The following ADCY2 variants were observed in gnomAD, a reference collection of about 807,000 sequenced individuals.
The protein encoded by ADCY2 is adenylate cyclase type 2.
Under a neutral mutation model 125.2 loss-of-function variants are expected in ADCY2, and 31 were observed. The ratio of observed to expected loss-of-function variants is 0.25; its 90% CI spans 0.19 to 0.33. The LOEUF is 0.33. Among genes scored for constraint, ADCY2 ranks in the 10% least tolerant of loss-of-function variants. The pLI is 1.00. For missense variants in ADCY2, 904 were observed against 1,418.2 expected, an observed-to-expected ratio of 0.64 and a Z score of 5.82; for synonymous variants, 512 against 548.4, an observed-to-expected ratio of 0.93 and a Z score of 0.93.
chr5:7,791,962 A>G (rs1377048383), intron 20 of ADCY2, among the ~76,000 whole-genome samples: 2 of 152,052 alleles, frequency 1.3e-5, no homozygotes, highest in Non-Finnish European at 2.9e-5. Flanking sequence ...GGAGAGAGGA[A>G]CGGGGAGAGA....
chr5:7,588,278 A>AT (rs1736698601), intron 3 of ADCY2, among the ~76,000 whole-genome samples: 1 of 152,206 alleles, frequency 6.6e-6, no homozygotes, highest in African/African-American at 2.4e-5. Context: ...CCTGAAACAC[A>AT]TAAAAAAATC....
chr5:7,624,422 T>G (rs1255808684), intron 3 of ADCY2, among the ~76,000 whole-genome samples: 1 of 152,214 alleles, frequency 6.6e-6, no homozygotes, highest in African/African-American at 2.4e-5. Context: ...AATCAAGGTC[T>G]TTCCCAGCAC....
chr5:7,432,640 G>A (rs556154488), intron 2 of ADCY2, among the ~76,000 whole-genome samples: 6 of 152,322 alleles, frequency 3.9e-5, no homozygotes, highest in African/African-American at 1.4e-4. Context: ...GCCCATGAAG[G>A]GGTGAGGGAA....
intron 1 of ADCY2, among the ~76,000 whole-genome samples, chr5:7,403,185 AAG>A (rs1481292187): frequency 2.6e-5 from 4 of 152,160 alleles, no homozygotes; most frequent in Admixed American, 2.0e-4. Context: ...TAGAGAAAAA[AAG>A]AGCAAATAAT....
At chr5:7,574,642 G>C (rs1736185896) in intron 3 of ADCY2, among the ~76,000 whole-genome samples, 1 of 152,140 alleles carries the variant, frequency 6.6e-6, no homozygotes, top group South Asian at 2.1e-4. Flanking sequence ...AAGTTGATGA[G>C]ACCCATACAA....
At chr5:7,619,272 T>A (rs1283539311) in intron 3 of ADCY2, among the ~76,000 whole-genome samples, 1 of 152,172 alleles carries the variant, frequency 6.6e-6, no homozygotes, top group Non-Finnish European at 1.5e-5. Flanking sequence ...CTCACAAACA[T>A]GCTTTGTAGT....
rs769390781 is a variant in ADCY2 at position 7,422,887 on chromosome 5, C to T, written c.408+8117C>T. Reference sequence around the variant, plus strand: ...CTGGTGCAGAATCCTTTTGCTTTTCCTCTAGTGCAGTCACTTGGAATGCGA... The same window carrying T: ...CTGGTGCAGAATCCTTTTGCTTTTCTTCTAGTGCAGTCACTTGGAATGCGA... On this transcript the variant is annotated intron_variant, in intron 2 of 24. Coordinates refer to ENST00000338316, the MANE Select transcript of ADCY2 (RefSeq NM_020546.3). Among the ~76,000 whole-genome samples, 15 of 152,126 alleles carry T rather than the reference C, an allele frequency of 9.9e-5. 1 individual carries two copies. The highest frequency in any genetic ancestry group is 2.1e-4 in the Non-Finnish European group (14 of 68,022).
intron 2 of ADCY2, among the ~76,000 whole-genome samples, chr5:7,493,401 G>GGA (rs968408133): frequency 6.8e-6 from 1 of 147,438 alleles, no homozygotes; most frequent in Non-Finnish European, 1.5e-5. Flanking sequence ...GGGGAGTGAA[G>GGA]GAGAGAGGAG....
At chr5:7,796,935 C>T (rs1744439299) in intron 20 of ADCY2, 1 of 152,234 alleles carries the variant, frequency 6.6e-6, no homozygotes, top group African/African-American at 2.4e-5. Flanking sequence ...GTGAGCCAGA[C>T]ATCCTCATTC....
intron 3 of ADCY2, among the ~76,000 whole-genome samples, chr5:7,617,465 TTTA>T (rs920823384): frequency 6.6e-6 from 1 of 152,272 alleles, no homozygotes; most frequent in South Asian, 2.1e-4. Context: ...TCTGTGGTAT[TTTA>T]TTATTATTAG....
intron 8 of ADCY2, among the ~76,000 whole-genome samples, 182 bp downstream of exon 8, chr5:7,707,084 G>A (rs531238561): frequency 6.6e-5 from 10 of 152,284 alleles, no homozygotes; most frequent in South Asian, 4.1e-4. Context: ...AAGTCCCTGC[G>A]TCACGACCCC....
Position 7,802,474 on chromosome 5 carries a change from C to A in ADCY2, c.2775+110C>A. 7.8e-7 allele frequency: 1 copy of A among 1,285,954 alleles called. No homozygotes were observed. The highest frequency in any genetic ancestry group is 1.1e-6 in the Non-Finnish European group (1 of 946,862). 79.7% of individuals were successfully genotyped at this position (1,285,954 alleles called of 1,614,324 possible). A position where few individuals can be genotyped will look rare whatever the true frequency, so the allele number is the denominator to read the frequency against. ...TATCCCAAAAAAACTTGTCCTTTGGCATAATTTCTGGCAGATGGCATTAAA... is the reference window on the plus strand; with the variant it reads ...TATCCCAAAAAAACTTGTCCTTTGGAATAATTTCTGGCAGATGGCATTAAA... On this transcript the variant is annotated intron_variant, in intron 21 of 24. Transcript: ENST00000338316. This position sits in a 1 kb window ranked among gnomAD's most constrained non-coding sequence, Gnocchi z 4.6.
At chr5:7,788,708 G>A (rs1744159024) in intron 19 of ADCY2, among the ~76,000 whole-genome samples, 1 of 152,100 alleles carries the variant, frequency 6.6e-6, no homozygotes, top group South Asian at 2.1e-4. Context: ...GTGCATGTGT[G>A]TGTGTTTTGT....
Position 7,727,170 on chromosome 5 carries a change from G to A in ADCY2, c.1780G>A (p.Ala594Thr), listed in dbSNP as rs1741959002. The change falls in exon 14 of 25, where the codon GCC (alanine) becomes ACC (threonine). Residue 594 changes from alanine to threonine, a missense_variant. Ala to Thr is a moderately conservative substitution (Grantham distance 58, BLOSUM62 0). Coordinates refer to ENST00000338316, the MANE Select transcript of ADCY2 (RefSeq NM_020546.3). ...GTTCCTTTCTCCCCCTCAGTACCGG[G>A]CCACGGCACTGCCAGCGTTCAAGTA... ...YNKVLEKEYR[A>T]TALPAFKYYV... 1.2e-6 allele frequency: 2 copies of A among 1,613,726 alleles called. No individual in the cohort carries two copies. The highest frequency in any genetic ancestry group is 1.7e-5 in the Admixed American group (1 of 59,978).
intron 14 of ADCY2, among the ~76,000 whole-genome samples, chr5:7,728,945 T>G (rs1742014934): frequency 6.6e-6 from 1 of 152,180 alleles, no homozygotes; most frequent in African/African-American, 2.4e-5. Context: ...CCTCGTCATG[T>G]CTTTGCTGGC....
At chr5:7,530,591 GCCCCAGTA>G (rs1474846251) in intron 3 of ADCY2, among the ~76,000 whole-genome samples, 1 of 139,220 alleles carries the variant, frequency 7.2e-6, no homozygotes, top group Non-Finnish European at 1.6e-5. Flanking sequence ...AAGTCTCCCA[GCCCCAGTA>G]CCTCATCCAG....
At chr5:7,462,800 G>T (rs972167072) in intron 2 of ADCY2, among the ~76,000 whole-genome samples, 1 of 152,246 alleles carries the variant, frequency 6.6e-6, no homozygotes, top group Non-Finnish European at 1.5e-5. Context: ...CACGTGTGTG[G>T]GTTGGATTAG....
At chr5:7,569,289 G>T (rs1362819056) in intron 3 of ADCY2, among the ~76,000 whole-genome samples, 2 of 152,152 alleles carry the variant, frequency 1.3e-5, no homozygotes, top group African/African-American at 4.8e-5. Context: ...AAGAATGCAG[G>T]TGTGTTCAGG....
rs1579454042 is a variant in ADCY2, at chr5:7,802,466, T to G, written c.2775+102T>G. The G allele has an allele frequency of 3.7e-6, 5 of 1,347,144 alleles. No homozygotes were observed. In the East Asian group the frequency reaches 1.2e-4, roughly 32 times the overall value. 83.4% of individuals were successfully genotyped at this position (1,347,144 alleles called of 1,614,324 possible). ...TAGTGGCCTATCCCAAAAAAACTTGTCCTTTGGCATAATTTCTGGCAGATG... is the reference window on the plus strand; with the variant it reads ...TAGTGGCCTATCCCAAAAAAACTTGGCCTTTGGCATAATTTCTGGCAGATG... On this transcript the variant is annotated intron_variant, in intron 21 of 24. Transcript: ENST00000338316. This position sits in a 1 kb window ranked among gnomAD's most constrained non-coding sequence, Gnocchi z 4.6.
Sources: gnomAD v4.1 joint callset for allele counts (sites outside exome capture counted in the v4.1 genomes callset) on GRCh38, gnomAD v4.1.1 for gene constraint, Gnocchi (gnomAD v3.1) non-coding constraint, MANE v1.5 for transcripts, NCBI Gene and HGNC (gene_info 2026-07-23, HGNC 2026-07-21) for gene names.